Variants in CHODL observed in about 807,000 individuals in gnomAD.
CHODL encodes the protein chondrolectin.
Under a neutral mutation model 34.5 loss-of-function variants are expected in CHODL, and 29 were observed. The observed-to-expected ratio is 0.84, with a 90% CI of 0.63 to 1.15. CHODL has a LOEUF of 1.15. Among genes scored for constraint, CHODL ranks in the 50% most tolerant of loss-of-function variants. CHODL has a pLI of 0.00. For synonymous variants in CHODL, 125 were observed against 116.1 expected, an observed-to-expected ratio of 1.08 and a Z score of -0.49; for missense variants, 332 against 332.5, an observed-to-expected ratio of 1.00 and a Z score of 0.01.
intron 2 of CHODL, among the ~76,000 whole-genome samples, chr21:18,107,916 T>A (rs1459094933): frequency 6.6e-6 from 1 of 152,234 alleles, no homozygotes; most frequent in Admixed American, 6.5e-5. Flanking sequence ...AAACTTTCAA[T>A]AAGCATGTGG....
intron 2 of CHODL, among the ~76,000 whole-genome samples, chr21:18,108,400 C>G (rs2065302033): frequency 6.6e-6 from 1 of 152,136 alleles, no homozygotes; most frequent in Non-Finnish European, 1.5e-5. Context: ...ACACTAGGCT[C>G]TACTAGAGAG....
chr21:18,143,595 A>G (rs1452675655), intron 2 of CHODL, among the ~76,000 whole-genome samples: 1 of 151,936 alleles, frequency 6.6e-6, no homozygotes, highest in Non-Finnish European at 1.5e-5. Context: ...ATTTACTTAA[A>G]CTCTATGAGT....
intron 1 of CHODL, among the ~76,000 whole-genome samples, chr21:17,934,151 G>A (rs1830649346): frequency 6.6e-6 from 1 of 151,772 alleles, no homozygotes; most frequent in African/African-American, 2.4e-5. Flanking sequence ...TTAGGTAATG[G>A]GTACATCAGA....
chr21:18,005,983 G>A (rs2063957220), intron 1 of CHODL, among the ~76,000 whole-genome samples: 1 of 152,146 alleles, frequency 6.6e-6, no homozygotes, highest in Non-Finnish European at 1.5e-5. Context: ...TGAATTATGG[G>A]GGCGGGTCTT....
At chr21:18,090,818 G>A (rs2065064332) in intron 2 of CHODL, among the ~76,000 whole-genome samples, 1 of 150,346 alleles carries the variant, frequency 6.7e-6, no homozygotes, top group Admixed American at 6.6e-5. Flanking sequence ...TACATTGTAT[G>A]TCTCCACTGA....
intron 2 of CHODL, among the ~76,000 whole-genome samples, chr21:18,226,422 T>A (rs1322146095): frequency 6.6e-6 from 1 of 152,118 alleles, no homozygotes; most frequent in Non-Finnish European, 1.5e-5. Flanking sequence ...TGCCTCAGCC[T>A]CCCAAGTAGC....
chr21:18,248,073 C>T (rs1568954647), intron 1 of CHODL, among the ~76,000 whole-genome samples: 1 of 150,818 alleles, frequency 6.6e-6, no homozygotes, highest in Non-Finnish European at 1.5e-5. Flanking sequence ...ATTTTTGCTG[C>T]AAAATGACAT....
At chr21:18,020,891 G>A (rs934256231) in intron 1 of CHODL, among the ~76,000 whole-genome samples, 2 of 152,122 alleles carry the variant, frequency 1.3e-5, no homozygotes, top group African/African-American at 4.8e-5. Context: ...GATCACTTGA[G>A]TCCAAGAGTT....
chr21:18,040,752 T>C (rs1192431640), intron 2 of CHODL, among the ~76,000 whole-genome samples: 1 of 151,898 alleles, frequency 6.6e-6, no homozygotes, highest in Non-Finnish European at 1.5e-5. Flanking sequence ...GTATCTTGAG[T>C]GTTATCCACA....
At chr21:18,121,392 G>A (rs963211767) in intron 2 of CHODL, among the ~76,000 whole-genome samples, 1 of 152,188 alleles carries the variant, frequency 6.6e-6, no homozygotes, top group Non-Finnish European at 1.5e-5. Context: ...GGACAAGCAT[G>A]TTTTAGAGGA....
intron 2 of CHODL, among the ~76,000 whole-genome samples, chr21:18,174,163 A>ATATATATCTTGGT (rs2073277574): frequency 1.0e-5 from 1 of 96,460 alleles, no homozygotes. Context: ...ATATATATAA[A>ATATATATCTTGGT]ATCAAGTCTC....
At chr21:18,094,604 C>T (rs539387122) in intron 2 of CHODL, among the ~76,000 whole-genome samples, 1 of 151,704 alleles carries the variant, frequency 6.6e-6, no homozygotes, top group South Asian at 2.1e-4. Context: ...TCTGAATAAC[C>T]AGGGGGTCAA....
At chr21:18,035,093 A>G (rs1385207422) in intron 2 of CHODL, among the ~76,000 whole-genome samples, 2 of 151,974 alleles carry the variant, frequency 1.3e-5, no homozygotes, top group Non-Finnish European at 2.9e-5. Flanking sequence ...CAGAAGATTG[A>G]AAAATCTGTT....
chr21:18,040,098 AT>A (rs1233441208), intron 2 of CHODL, among the ~76,000 whole-genome samples: 1 of 151,862 alleles, frequency 6.6e-6, no homozygotes, highest in African/African-American at 2.4e-5. Flanking sequence ...TCTTATCATA[AT>A]TGAGTCTTAT....
At chr21:18,106,040 A>G (rs1406330682) in intron 2 of CHODL, among the ~76,000 whole-genome samples, 3 of 152,202 alleles carry the variant, frequency 2.0e-5, no homozygotes, top group Non-Finnish European at 4.4e-5. Context: ...TTATTGCAAT[A>G]GTGTTCAGGG....
At chr21:18,130,389 C>G (rs934560778) in intron 2 of CHODL, among the ~76,000 whole-genome samples, 2 of 152,152 alleles carry the variant, frequency 1.3e-5, no homozygotes, top group African/African-American at 2.4e-5. Context: ...CTTCTCTCAG[C>G]CTTTGTGCAT....
chr21:18,076,338 T>G lies in CHODL; in HGVS notation c.-45+48367T>G, dbSNP rs150863971. ...ACATGTTATTGGAGGAAAGACCATC[T>G]TGTTGTGAAGTGGCAAAAAACTTTG... On this transcript the variant is annotated intron_variant, in intron 2 of 6. Coordinates refer to the CHODL transcript ENST00000400127. Among the ~76,000 whole-genome samples, 7 of 152,280 alleles carry G rather than the reference T, an allele frequency of 4.6e-5. No homozygotes were observed. The East Asian group carries it at 1.2e-3, about 25-fold the overall frequency.
chr21:18,225,303 A>G (rs2146745955), intron 2 of CHODL, among the ~76,000 whole-genome samples: 1 of 152,272 alleles, frequency 6.6e-6, no homozygotes, highest in Admixed American at 6.5e-5. Context: ...AAAAATAGCC[A>G]TTATCTTTTG....
chr21:18,236,264 T>TA (rs1429530849), intron 2 of CHODL, among the ~76,000 whole-genome samples: 4 of 152,026 alleles, frequency 2.6e-5, no homozygotes, highest in Non-Finnish European at 5.9e-5. Context: ...AGAACTTACT[T>TA]ACATCATGAG....
Sources: allele counts gnomAD v4.1 joint callset (sites outside exome capture counted in the v4.1 genomes callset), GRCh38; gene constraint gnomAD v4.1.1; transcripts MANE v1.5; gene names NCBI Gene and HGNC (gene_info 2026-07-23, HGNC 2026-07-21).